Variants in ASPH observed in about 807,000 individuals in gnomAD.
The protein encoded by ASPH is aspartate beta-hydroxylase.
Under a neutral mutation model 118.4 loss-of-function variants are expected in ASPH, and 100 were observed. That is an observed-to-expected ratio of 0.84 (90% CI 0.72 to 1.00). The LOEUF (loss-of-function observed/expected upper bound fraction) is 1.00. Ranked by LOEUF, ASPH falls within the 50% of genes least tolerant of loss-of-function variation. ASPH has a pLI of 0.00. For synonymous variants in ASPH, 315 were observed against 325.6 expected (o/e 0.97, Z 0.35); for missense variants, 920 against 919.5 (o/e 1.00, Z -0.01).
chr8:61,695,514 C>T (rs1438068226), intron 1 of ASPH, among the ~76,000 whole-genome samples: 2 of 152,158 alleles, frequency 1.3e-5, no homozygotes, highest in Non-Finnish European at 2.9e-5. Flanking sequence ...CCATCACATA[C>T]AACCCCCACA....
chr8:61,665,150 C>T, intron 3 of ASPH: 1 of 1,477,766 alleles, frequency 6.8e-7, no homozygotes, highest in African/African-American at 1.4e-5. Context: ...GGCTAATTTA[C>T]ACACCCTCAC....
At chr8:61,678,292 A>T (rs528818956) in intron 3 of ASPH, among the ~76,000 whole-genome samples, 1 of 152,242 alleles carries the variant, frequency 6.6e-6, no homozygotes, top group East Asian at 1.9e-4. Flanking sequence ...TTTCCTGTTG[A>T]TTTTATTTGG....
intron 21 of ASPH, among the ~76,000 whole-genome samples, chr8:61,540,982 G>A (rs1023064207): frequency 7.2e-5 from 11 of 152,038 alleles, no homozygotes; most frequent in African/African-American, 2.4e-4. Flanking sequence ...ATGAGAGGCC[G>A]GGCACGGTGG....
intron 13 of ASPH, among the ~76,000 whole-genome samples, chr8:61,621,107 AG>A (rs1267445221): frequency 6.6e-6 from 1 of 152,184 alleles, no homozygotes; most frequent in South Asian, 2.1e-4. Flanking sequence ...TGTATCTAAA[AG>A]GGGGTTGGCA....
At position 61,626,372 on chromosome 8, in the gene ASPH, CCAA is replaced by C; in HGVS notation, c.934+7308_934+7310del. The stretch of plus-strand genomic sequence containing the variant: ...TTCATTCTACTTTTTAAAAAACCCA[CCAA>C]CAAAGTAATTTTTTTTTTTTGGTGT... On this transcript the variant is annotated intron_variant, in intron 13 of 24. Transcript: ENST00000379454. 6 of 1,323,710 alleles carry C rather than the reference CCAA, an allele frequency of 4.5e-6. No homozygotes were observed. In the South Asian group the frequency reaches 1.4e-4, roughly 31 times the overall value. The allele number at this position is 1,323,710 out of a possible 1,614,324, so 82.0% of individuals were successfully genotyped here. A position where few individuals can be genotyped will look rare whatever the true frequency, so the allele number is the denominator to read the frequency against.
intron 1 of ASPH, among the ~76,000 whole-genome samples, chr8:61,700,843 T>C (rs969682228): frequency 5.9e-5 from 9 of 152,254 alleles, no homozygotes; most frequent in African/African-American, 1.9e-4. Flanking sequence ...CAAAGTAAAC[T>C]GTAGACATCA....
chr8:61,600,173 G>A (rs190982430), intron 14 of ASPH, among the ~76,000 whole-genome samples: 56 of 152,112 alleles, frequency 3.7e-4, no homozygotes, highest in Non-Finnish European at 6.9e-4. Flanking sequence ...TGCAGAAAAC[G>A]CATTTGATAA....
At chr8:61,669,725 T>A (rs1563496104) in intron 3 of ASPH, among the ~76,000 whole-genome samples, 1 of 152,188 alleles carries the variant, frequency 6.6e-6, no homozygotes, top group Non-Finnish European at 1.5e-5. Context: ...TCCTGACTCC[T>A]ACATGTTCTC....
chr8:61,662,977 A>G, intron 3 of ASPH: 1 of 985,466 alleles, frequency 1.0e-6, no homozygotes, highest in Non-Finnish European at 1.2e-6. Flanking sequence ...AAAAATTACC[A>G]GAATGCTCTC....
Position 61,668,721 on chromosome 8 carries a change from T to C in ASPH, c.322+12247A>G, listed in dbSNP as rs180874467. ...TTTTGATAGAGTTCATCTTTACTGT[T>C]TGAACAATCACTGCTCTTCCACCAG... is the stretch of plus-strand genomic sequence containing the variant. On this transcript the variant is annotated intron_variant, in intron 3 of 24. Transcript: ENST00000379454. 3.5e-3 allele frequency among the ~76,000 whole-genome samples: 531 copies of C among 152,292 alleles called. 2 individuals carry two copies. The highest frequency in any genetic ancestry group is 0.02 in the Middle Eastern group (6 of 294).
intron 3 of ASPH, among the ~76,000 whole-genome samples, chr8:61,666,081 A>G (rs1352519389): frequency 1.3e-5 from 2 of 152,204 alleles, no homozygotes; most frequent in Admixed American, 6.5e-5. Flanking sequence ...ATATATGTAA[A>G]TAAAATTAAA....
At chr8:61,519,060 G>A (rs1811990809) in intron 22 of ASPH, among the ~76,000 whole-genome samples, 1 of 152,156 alleles carries the variant, frequency 6.6e-6, no homozygotes, top group Admixed American at 6.5e-5. Flanking sequence ...ACAGGAAGCA[G>A]CTATGAAATT....
At chr8:61,575,238 T>C (rs1834750880) in intron 16 of ASPH, among the ~76,000 whole-genome samples, 1 of 152,240 alleles carries the variant, frequency 6.6e-6, no homozygotes, top group Admixed American at 6.5e-5. Context: ...TTACAGCATG[T>C]CTTATTAGGT....
At chr8:61,675,477 A>G in intron 3 of ASPH, 1 of 983,418 alleles carries the variant, frequency 1.0e-6, no homozygotes. Context: ...ACATGGAGTT[A>G]TTTTTAAATT....
chr8:61,566,852 T>A (rs896821621), intron 17 of ASPH, among the ~76,000 whole-genome samples: 1 of 152,228 alleles, frequency 6.6e-6, no homozygotes, highest in African/African-American at 2.4e-5. Context: ...TAATGTTATT[T>A]CACACTTAAG....
chr8:61,588,270 A>T (rs917715329), intron 14 of ASPH, among the ~76,000 whole-genome samples: 1 of 152,230 alleles, frequency 6.6e-6, no homozygotes, highest in African/African-American at 2.4e-5. Context: ...TCAAATCCTT[A>T]CTTCCCTTGC....
intron 3 of ASPH, among the ~76,000 whole-genome samples, chr8:61,655,762 A>G (rs1813361388): frequency 6.6e-6 from 1 of 152,194 alleles, no homozygotes; most frequent in Admixed American, 6.5e-5. Flanking sequence ...AGAGCAAAAA[A>G]TATTGATTAT....
intron 3 of ASPH, chr8:61,675,853 T>G (rs1825012647): frequency 7.4e-7 from 1 of 1,353,264 alleles, no homozygotes; most frequent in Non-Finnish European, 9.5e-7. Context: ...TGTAGCTGAC[T>G]ACAAGAATGA....
At chr8:61,707,835 C>G (rs1034235900) in intron 1 of ASPH, among the ~76,000 whole-genome samples, 3 of 152,040 alleles carry the variant, frequency 2.0e-5, no homozygotes, top group Admixed American at 2.0e-4. Context: ...ACTTTTAATA[C>G]GTGCTATACA....
Sources: allele counts gnomAD v4.1 joint callset (sites outside exome capture counted in the v4.1 genomes callset), GRCh38; gene constraint gnomAD v4.1.1; transcripts MANE v1.5; gene names NCBI Gene and HGNC (gene_info 2026-07-23, HGNC 2026-07-21).